The following ARHGEF4 variants were observed in gnomAD, a reference collection of about 807,000 sequenced individuals.
ARHGEF4 encodes APC-stimulated guanine nucleotide exchange factor 1.
A neutral mutation model predicts 162.0 loss-of-function variants in ARHGEF4; 119 were observed. The ratio of observed to expected loss-of-function variants is 0.73; its 90% CI spans 0.63 to 0.86. ARHGEF4 has a LOEUF of 0.86. Among genes scored for constraint, ARHGEF4 ranks in the 40% least tolerant of loss-of-function variants. The pLI, the probability that ARHGEF4 is intolerant of heterozygous loss-of-function variation, is 0.00. For synonymous variants in ARHGEF4, 1,014 were observed against 979.9 expected (o/e 1.03, Z -0.65); for missense variants, 2,488 against 2,456.0 (o/e 1.01, Z -0.28).
intron 4 of ARHGEF4, among the ~76,000 whole-genome samples, chr2:130,993,210 C>T (rs1381162581): frequency 6.6e-6 from 1 of 152,186 alleles, no homozygotes; most frequent in Non-Finnish European, 1.5e-5. Context: ...AATTATCATT[C>T]AGTTTGAATA....
At chr2:130,933,008 A>G (rs34393854) in intron 3 of ARHGEF4, among the ~76,000 whole-genome samples, 88,244 of 152,000 alleles carry the variant, frequency 0.58, 29,773 homozygotes, top group East Asian at 0.84. Context: ...TTAAGGCCAG[A>G]AGTTCGACGT....
chr2:130,854,962 C>T (rs1574104031), intron 1 of ARHGEF4, among the ~76,000 whole-genome samples: 1 of 151,856 alleles, frequency 6.6e-6, no homozygotes, highest in African/African-American at 2.4e-5. Flanking sequence ...CAAGTTCTGC[C>T]TCCTGGGTTC....
intron 1 of ARHGEF4, among the ~76,000 whole-genome samples, chr2:130,864,127 A>G (rs788193): frequency 0.012 from 1,757 of 151,908 alleles, 19 homozygotes; most frequent in Admixed American, 0.028. Context: ...CGGAGCTTGC[A>G]GTGAGCCGAG....
At chr2:130,951,547 C>T (rs1024065109) in intron 4 of ARHGEF4, among the ~76,000 whole-genome samples, 12 of 152,176 alleles carry the variant, frequency 7.9e-5, no homozygotes, top group African/African-American at 2.7e-4. Flanking sequence ...CTTCTATGGG[C>T]ACAGTTCATG....
chr2:130,915,192 C>G lies in ARHGEF4; in HGVS notation c.1246C>G (p.Gln416Glu). ...PGGFRLQRAS[Q>E]DTPSAGLLGE... ...TGGGTTTCGCTTGCAAAGGGCCTCT[C>G]AGGACACTCCTTCTGCAGGTCTCCT... The change falls in exon 2 of 14, where the codon CAG becomes GAG. Residue 416 changes from glutamine (Q) to glutamate (E), a missense_variant. Gln to Glu is a conservative substitution (Grantham distance 29). Around this residue, in one of 6 missense-constraint regions of ARHGEF4, gnomAD observed 1,642 missense variants for 1,481.5 expected, o/e 1.11. Coordinates refer to ENST00000409359, the MANE Select transcript of ARHGEF4 (RefSeq NM_001367493.1). 1 of 1,550,608 alleles carries G rather than the reference C, an allele frequency of 6.4e-7. No individual in the cohort carries two copies. The highest frequency in any genetic ancestry group is 8.7e-7 in the Non-Finnish European group (1 of 1,147,010).
intron 2 of ARHGEF4, among the ~76,000 whole-genome samples, chr2:130,921,273 G>A (rs949686389): frequency 3.9e-5 from 6 of 152,114 alleles, no homozygotes; most frequent in South Asian, 2.1e-4. Context: ...AGGCAGGGGC[G>A]GGCGGATCAC....
chr2:130,876,796 G>A (rs2104947380), intron 1 of ARHGEF4, among the ~76,000 whole-genome samples: 1 of 152,316 alleles, frequency 6.6e-6, no homozygotes, highest in South Asian at 2.1e-4. Flanking sequence ...TAGAGGGGAA[G>A]GTGGGATGTG....
At chr2:130,936,372 C>T (rs1321260232) in intron 3 of ARHGEF4, among the ~76,000 whole-genome samples, 1 of 152,138 alleles carries the variant, frequency 6.6e-6, no homozygotes, top group Non-Finnish European at 1.5e-5. Flanking sequence ...ATTGTTATAT[C>T]TTCTTGATGA....
intron 3 of ARHGEF4, among the ~76,000 whole-genome samples, chr2:130,932,674 G>A (rs1427222437): frequency 6.6e-6 from 1 of 151,828 alleles, no homozygotes; most frequent in African/African-American, 2.4e-5. Context: ...TGTTGCTTGT[G>A]CATTTGATGT....
intron 3 of ARHGEF4, among the ~76,000 whole-genome samples, chr2:130,940,676 A>T (rs1372946111): frequency 1.1e-4 from 17 of 150,508 alleles, no homozygotes; most frequent in Admixed American, 1.1e-3. Flanking sequence ...AAAATAAAAA[A>T]AAAAATTAGC....
At chr2:130,873,897 CT>C (rs1322651025) in intron 1 of ARHGEF4, among the ~76,000 whole-genome samples, 2 of 152,118 alleles carry the variant, frequency 1.3e-5, no homozygotes, top group Non-Finnish European at 2.9e-5. Context: ...TTGGTGCCCC[CT>C]GCCGGATAGA....
intron 2 of ARHGEF4, among the ~76,000 whole-genome samples, chr2:130,926,696 T>C (rs1682307652): frequency 6.6e-6 from 1 of 151,910 alleles, no homozygotes; most frequent in African/African-American, 2.4e-5. Flanking sequence ...ACAACAAGCT[T>C]GCACCGATAG....
At chr2:130,942,843 A>T (rs137911515) in intron 3 of ARHGEF4, among the ~76,000 whole-genome samples, 1 of 152,188 alleles carries the variant, frequency 6.6e-6, no homozygotes, top group African/African-American at 2.4e-5. Flanking sequence ...AAATTTCATT[A>T]TTATGATTAT....
At chr2:130,952,725 C>T (rs1684031509) in intron 4 of ARHGEF4, among the ~76,000 whole-genome samples, 1 of 152,160 alleles carries the variant, frequency 6.6e-6, no homozygotes, top group African/African-American at 2.4e-5. Flanking sequence ...TCTCAGGGTA[C>T]AAAATCAATG....
At chr2:130,878,008 G>T (rs1232804091) in intron 1 of ARHGEF4, among the ~76,000 whole-genome samples, 1 of 152,068 alleles carries the variant, frequency 6.6e-6, no homozygotes, top group Non-Finnish European at 1.5e-5. Flanking sequence ...TGGTACTATG[G>T]AAACGTTAGG....
At chr2:130,922,639 G>A (rs545104864) in intron 2 of ARHGEF4, among the ~76,000 whole-genome samples, 2 of 152,278 alleles carry the variant, frequency 1.3e-5, no homozygotes, top group South Asian at 4.1e-4. Context: ...GAGTGAGTTA[G>A]TCTAGAGTCC....
chr2:130,844,888 G>A (rs1680847125), intron 1 of ARHGEF4, among the ~76,000 whole-genome samples: 1 of 151,800 alleles, frequency 6.6e-6, no homozygotes, highest in East Asian at 1.9e-4. Flanking sequence ...GTAATGGCGC[G>A]ATCTCATCTC....
chr2:130,976,332 CGTGTGTGTGTGTGTGTCTGTGTGT>C (rs1423562623), intron 4 of ARHGEF4, among the ~76,000 whole-genome samples: 1 of 106,818 alleles, frequency 9.4e-6, no homozygotes, highest in Admixed American at 1.2e-4. Context: ...GCCCCAGAAT[CGTGTGTGTGTGTGTGTCTGTGTGT>C]GTGTGTGTGT....
chr2:130,879,914 G>A (rs1016655973), intron 1 of ARHGEF4, among the ~76,000 whole-genome samples: 1 of 152,172 alleles, frequency 6.6e-6, no homozygotes, highest in East Asian at 1.9e-4. Flanking sequence ...GAGTAGCTGG[G>A]ACTACAGATG....
Sources: allele counts gnomAD v4.1 joint callset (sites outside exome capture counted in the v4.1 genomes callset), GRCh38; gene constraint gnomAD v4.1.1; regional missense constraint gnomAD v4.1.1; transcripts MANE v1.5; gene names NCBI Gene and HGNC (gene_info 2026-07-23, HGNC 2026-07-21).